GLRB: variants seen among roughly 807,000 people sequenced by gnomAD.
The protein encoded by GLRB is glycine receptor beta.
A neutral mutation model predicts 54.2 loss-of-function variants in GLRB; 33 were observed. The ratio of observed to expected loss-of-function variants is 0.61; its 90% CI spans 0.46 to 0.81. The LOEUF (loss-of-function observed/expected upper bound fraction) is 0.81. Among genes scored for constraint, GLRB ranks in the 40% least tolerant of loss-of-function variants. The pLI, the probability that GLRB is intolerant of heterozygous loss-of-function variation, is 0.00. For synonymous variants in GLRB, 209 were observed against 208.2 expected (o/e 1.00, Z -0.03); for missense variants, 572 against 584.6 (o/e 0.98, Z 0.22).
At chr4:157,143,352 A>G (rs549658372) in intron 7 of GLRB, among the ~76,000 whole-genome samples, 2 of 152,068 alleles carry the variant, frequency 1.3e-5, no homozygotes, top group East Asian at 3.9e-4. Flanking sequence ...CATCCTAGAT[A>G]AGAAGTGGTA....
At position 157,152,763 on chromosome 4, in the gene GLRB, C is replaced by G. The variant is rs776941153; in HGVS notation, c.950C>G (p.Ala317Gly). Reference sequence around the variant, plus strand: ...TTGGCCTCTGAGTGCACAACCCTTGCCGCTGAGCTTCCCAAAGTTTCCTAT... The same window carrying G: ...TTGGCCTCTGAGTGCACAACCCTTGGCGCTGAGCTTCCCAAAGTTTCCTAT... ...LSLASECTTLAAELPKVSYVK... is the reference protein window; with the variant it reads ...LSLASECTTLGAELPKVSYVK... Residue 317 changes from alanine to glycine, a missense_variant, in exon 9 of 10, where the codon GCC becomes GGC. Physicochemically the swap from Ala to Gly is moderately conservative, Grantham distance 60. Transcript: ENST00000264428. The G allele has an allele frequency of 6.2e-7, 1 of 1,613,548 alleles. No individual in the cohort carries two copies.
chr4:157,084,996 A>G (rs1303902985), intron 2 of GLRB, among the ~76,000 whole-genome samples: 1 of 152,192 alleles, frequency 6.6e-6, no homozygotes, highest in African/African-American at 2.4e-5. Flanking sequence ...TCACTGTTAC[A>G]TATCTAGATT....
chr4:157,149,848 T>C (rs1378749513), intron 8 of GLRB, among the ~76,000 whole-genome samples: 1 of 152,028 alleles, frequency 6.6e-6, no homozygotes. Context: ...CCTTTCTTTC[T>C]TCCTCTCTTT....
intron 1 of GLRB, among the ~76,000 whole-genome samples, chr4:157,077,339 ATAAG>A: frequency 6.6e-6 from 1 of 152,310 alleles, no homozygotes; most frequent in African/African-American, 2.4e-5. Flanking sequence ...TTAGTAGCAA[ATAAG>A]TAAGAAAGCT....
chr4:157,167,883 A>G (rs2126633824), intron 9 of GLRB, among the ~76,000 whole-genome samples: 1 of 152,260 alleles, frequency 6.6e-6, no homozygotes, highest in African/African-American at 2.4e-5. Context: ...AGATGGCAAG[A>G]GTGGGAGTGA....
chr4:157,159,427 C>T (rs1367718588), intron 9 of GLRB, among the ~76,000 whole-genome samples: 1 of 152,068 alleles, frequency 6.6e-6, no homozygotes, highest in Non-Finnish European at 1.5e-5. Flanking sequence ...AAAGGGAATG[C>T]TTCCAGTTTT....
chr4:157,121,247 T>G (rs1458546349), intron 3 of GLRB, among the ~76,000 whole-genome samples: 1 of 151,710 alleles, frequency 6.6e-6, no homozygotes, highest in Non-Finnish European at 1.5e-5. Context: ...TCCAATTAGA[T>G]ATTACCATTT....
At chr4:157,161,492 T>C (rs1213590314) in intron 9 of GLRB, among the ~76,000 whole-genome samples, 1 of 152,202 alleles carries the variant, frequency 6.6e-6, no homozygotes, top group Non-Finnish European at 1.5e-5. Flanking sequence ...CCATGTTTAG[T>C]GCTTCCTTCA....
At chr4:157,089,633 A>C (rs1413887785) in intron 2 of GLRB, among the ~76,000 whole-genome samples, 5 of 151,912 alleles carry the variant, frequency 3.3e-5, no homozygotes, top group African/African-American at 1.2e-4. Context: ...GCTATTTCTT[A>C]TTGTCCTTCC....
intron 2 of GLRB, among the ~76,000 whole-genome samples, chr4:157,106,290 A>G (rs1415869129): frequency 6.6e-6 from 1 of 152,126 alleles, no homozygotes; most frequent in Non-Finnish European, 1.5e-5. Flanking sequence ...GTTCACATGT[A>G]CTTGACAAGT....
intron 9 of GLRB, among the ~76,000 whole-genome samples, chr4:157,164,505 G>C (rs1018717415): frequency 6.6e-6 from 1 of 152,124 alleles, no homozygotes; most frequent in Non-Finnish European, 1.5e-5. Flanking sequence ...AGAAAGCAAG[G>C]ATGCTCTATA....
At chr4:157,083,846 C>T (rs962340236) in intron 2 of GLRB, among the ~76,000 whole-genome samples, 16 of 151,784 alleles carry the variant, frequency 1.1e-4, no homozygotes, top group African/African-American at 3.9e-4. Context: ...TCTTTCAAAC[C>T]CAGAAAAACT....
At chr4:157,127,739 A>C (rs998325965) in intron 4 of GLRB, among the ~76,000 whole-genome samples, 1 of 151,870 alleles carries the variant, frequency 6.6e-6, no homozygotes, top group Admixed American at 6.6e-5. Flanking sequence ...ACCATGACTT[A>C]AGGAATGCAG....
At chr4:157,168,294 C>G (rs979040760) in intron 9 of GLRB, among the ~76,000 whole-genome samples, 3 of 152,076 alleles carry the variant, frequency 2.0e-5, no homozygotes, top group Non-Finnish European at 2.9e-5. Context: ...GGGGTGCAGA[C>G]AAGAAGCCAC....
At chr4:157,102,941 T>G (rs1579199884) in intron 2 of GLRB, among the ~76,000 whole-genome samples, 1 of 151,388 alleles carries the variant, frequency 6.6e-6, no homozygotes, top group Non-Finnish European at 1.5e-5. Context: ...CCAAGGCGGG[T>G]GGATCACAAG....
chr4:157,159,678 G>C (rs1473890320), intron 9 of GLRB, among the ~76,000 whole-genome samples: 1 of 152,172 alleles, frequency 6.6e-6, no homozygotes, highest in Non-Finnish European at 1.5e-5. Context: ...TCCCAGGGAT[G>C]AGGCCAATGT....
chr4:157,079,684 A>T (rs1472278190), intron 2 of GLRB, among the ~76,000 whole-genome samples: 2 of 152,188 alleles, frequency 1.3e-5, no homozygotes. Flanking sequence ...AGGTTCAGGA[A>T]TAACCACAAT....
intron 4 of GLRB, among the ~76,000 whole-genome samples, chr4:157,124,512 G>A (rs1283221792): frequency 6.6e-6 from 1 of 151,630 alleles, no homozygotes; most frequent in Non-Finnish European, 1.5e-5. Context: ...GCACTCAATG[G>A]TGAACACATA....
At chr4:157,164,761 C>T (rs1737647379) in intron 9 of GLRB, among the ~76,000 whole-genome samples, 1 of 151,950 alleles carries the variant, frequency 6.6e-6, no homozygotes, top group African/African-American at 2.4e-5. Context: ...CTTTCTAGAG[C>T]ATTGTAGAAT....
Sources: gnomAD v4.1 joint callset for allele counts (sites outside exome capture counted in the v4.1 genomes callset) on GRCh38, gnomAD v4.1.1 for gene constraint, MANE v1.5 for transcripts, NCBI Gene and HGNC (gene_info 2026-07-23, HGNC 2026-07-21) for gene names.